The following ERAP1 variants were observed in gnomAD, a reference collection of about 807,000 sequenced individuals.
ERAP1 encodes adipocyte-derived leucine aminopeptidase.
ERAP1 carries 86 observed loss-of-function variants against 103.7 expected under a neutral mutation model. The ratio of observed to expected loss-of-function variants is 0.83; its 90% CI spans 0.70 to 0.99. The LOEUF is 0.99. Ranked by LOEUF, ERAP1 falls within the 50% of genes least tolerant of loss-of-function variation. The pLI is 0.00. For synonymous variants in ERAP1, 398 were observed against 402.4 expected, an observed-to-expected ratio of 0.99 and a Z score of 0.13; for missense variants, 1,009 against 1,128.4, an observed-to-expected ratio of 0.89 and a Z score of 1.52.
chr5:96,829,272 A>T, the ERAP1 span, among the ~76,000 whole-genome samples: 1 of 152,220 alleles, frequency 6.6e-6, no homozygotes, highest in Non-Finnish European at 1.5e-5. Flanking sequence ...TTTTTCATAT[A>T]CCAAGTAAAA....
At chr5:96,885,006 T>C in the ERAP1 span, among the ~76,000 whole-genome samples, 1 of 152,162 alleles carries the variant, frequency 6.6e-6, no homozygotes, top group East Asian at 1.9e-4. Flanking sequence ...TAATACCCCA[T>C]ACACGTCTAT....
the ERAP1 span, among the ~76,000 whole-genome samples, chr5:96,908,190 T>C: frequency 6.6e-6 from 1 of 152,334 alleles, no homozygotes; most frequent in East Asian, 1.9e-4. Flanking sequence ...CATCACACGA[T>C]TGTGTTATTC....
the ERAP1 span, among the ~76,000 whole-genome samples, chr5:96,871,777 T>C: frequency 1.3e-5 from 2 of 152,238 alleles, no homozygotes; most frequent in Non-Finnish European, 2.9e-5. Context: ...TTTTCTGTTT[T>C]TGTTTTCAGT....
chr5:96,796,073 A>T (rs930922701), intron 4 of ERAP1, among the ~76,000 whole-genome samples: 4 of 152,236 alleles, frequency 2.6e-5, no homozygotes, highest in Non-Finnish European at 5.9e-5. Flanking sequence ...TGCTGAATTA[A>T]GAATGTTCCC....
At chr5:96,924,564 G>C in the ERAP1 span, among the ~76,000 whole-genome samples, 1 of 151,068 alleles carries the variant, frequency 6.6e-6, no homozygotes, top group South Asian at 2.1e-4. Context: ...CATCTCTCTA[G>C]AAAGAGCAAG....
chr5:96,809,262 G>A (rs539991669), upstream of ERAP1, among the ~76,000 whole-genome samples: 5 of 152,242 alleles, frequency 3.3e-5, no homozygotes, highest in East Asian at 9.7e-4. Context: ...CTCATTCTGT[G>A]ACTTAGAATG....
the ERAP1 span, among the ~76,000 whole-genome samples, chr5:96,887,108 C>CAT: frequency 6.9e-4 from 95 of 138,596 alleles, 1 homozygote; most frequent in African/African-American, 2.4e-3. Flanking sequence ...TATACACACA[C>CAT]ACACACACAC....
At chr5:96,765,597 G>A (rs1396375524) in intron 19 of ERAP1, among the ~76,000 whole-genome samples, 2 of 152,114 alleles carry the variant, frequency 1.3e-5, no homozygotes, top group African/African-American at 4.8e-5. Context: ...CAAGCAGTCA[G>A]CACATCCATT....
chr5:96,813,592 G>A, the ERAP1 span, among the ~76,000 whole-genome samples: 1 of 130,098 alleles, frequency 7.7e-6, no homozygotes, highest in Non-Finnish European at 1.6e-5. Flanking sequence ...GGCGGAGGTT[G>A]CAGTGAACCA....
At chr5:96,893,883 C>T in the ERAP1 span, among the ~76,000 whole-genome samples, 2 of 152,162 alleles carry the variant, frequency 1.3e-5, no homozygotes, top group African/African-American at 4.8e-5. Context: ...CCAAGATTAC[C>T]TGCCATTTTC....
chr5:96,887,092 TATATATATACAC>T, the ERAP1 span, among the ~76,000 whole-genome samples: 2 of 99,142 alleles, frequency 2.0e-5, no homozygotes, highest in African/African-American at 7.2e-5. Context: ...TATATATATA[TATATATATACAC>T]ACACACACAC....
At chr5:96,823,682 C>T in the ERAP1 span, among the ~76,000 whole-genome samples, 7 of 152,152 alleles carry the variant, frequency 4.6e-5, no homozygotes, top group African/African-American at 1.7e-4. Flanking sequence ...TAGTACTGAA[C>T]CCTAAGTACA....
the ERAP1 span, among the ~76,000 whole-genome samples, chr5:96,887,098 T>TAC: frequency 8.0e-5 from 8 of 99,716 alleles, no homozygotes; most frequent in East Asian, 6.1e-4. Context: ...TATATATATA[T>TAC]ATACACACAC....
rs773487940 is a variant in ERAP1 at position 96,781,824 on chromosome 5, A to G, written c.2316T>C (p.Phe772=). ...SLPVDVTLAV[F]AVGAQSTEGW... is the part of the protein sequence containing the mutation. Reference sequence around the variant, plus strand: ...CTTCTGTGCTCTGGGCCCCCACAGCAAACACTGCCAAGGTCACGTCGACAG... The same window carrying G: ...CTTCTGTGCTCTGGGCCCCCACAGCGAACACTGCCAAGGTCACGTCGACAG... Residue 772 remains phenylalanine, a synonymous_variant, in exon 16 of 19, where the codon TTT becomes TTC. Coordinates refer to ENST00000443439, the MANE Select transcript of ERAP1 (RefSeq NM_001040458.3). 1 of 1,614,116 alleles carries G rather than the reference A, an allele frequency of 6.2e-7. No individual in the cohort carries two copies.
the ERAP1 span, among the ~76,000 whole-genome samples, chr5:96,818,137 C>T: frequency 5.3e-5 from 8 of 152,108 alleles, no homozygotes; most frequent in Middle Eastern, 3.2e-3. Flanking sequence ...ATGAAAGACA[C>T]GGGGCACTTG....
chr5:96,860,220 A>C, the ERAP1 span, among the ~76,000 whole-genome samples: 28 of 151,944 alleles, frequency 1.8e-4, no homozygotes, highest in Non-Finnish European at 3.4e-4. Flanking sequence ...CGCCTGGCTA[A>C]TTTTTGTATT....
At chr5:96,854,439 AAAAC>A in the ERAP1 span, among the ~76,000 whole-genome samples, 14 of 152,034 alleles carry the variant, frequency 9.2e-5, no homozygotes, top group African/African-American at 3.4e-4. Flanking sequence ...CCAATGTGAA[AAAAC>A]AAACAAACAA....
At chr5:96,763,355 T>C (rs1768696918) in intron 19 of ERAP1, 1 of 708,906 alleles carries the variant, frequency 1.4e-6, no homozygotes, top group African/African-American at 1.7e-5. Context: ...TGTGTGTGTA[T>C]GTGCATGTGC....
the ERAP1 span, among the ~76,000 whole-genome samples, chr5:96,853,463 A>C: frequency 6.6e-6 from 1 of 152,194 alleles, no homozygotes; most frequent in African/African-American, 2.4e-5. Context: ...TCCAAAAGTC[A>C]ATATCAATGC....
Sources: allele counts gnomAD v4.1 joint callset (sites outside exome capture counted in the v4.1 genomes callset), GRCh38; gene constraint gnomAD v4.1.1; transcripts MANE v1.5; gene names NCBI Gene and HGNC (gene_info 2026-07-23, HGNC 2026-07-21).